FBXW10B: variants seen among roughly 807,000 people sequenced by gnomAD.
FBXW10B encodes the protein F-box and WD repeat domain containing 10B.
the FBXW10B span, among the ~76,000 whole-genome samples, chr17:15,585,913 T>C: frequency 6.6e-6 from 1 of 152,090 alleles, no homozygotes; most frequent in African/African-American, 2.4e-5. Flanking sequence ...TAAAGCCATA[T>C]TTCACCTCCT....
At chr17:15,578,018 A>G in the FBXW10B span, among the ~76,000 whole-genome samples, 1 of 148,460 alleles carries the variant, frequency 6.7e-6, no homozygotes, top group Non-Finnish European at 1.5e-5. Flanking sequence ...GAGTTTTTTG[A>G]TGTCTAAGCT....
At chr17:15,579,173 A>ATAAATAAAT in the FBXW10B span, among the ~76,000 whole-genome samples, 3 of 151,812 alleles carry the variant, frequency 2.0e-5, no homozygotes, top group African/African-American at 7.3e-5. Context: ...AAATAAATAA[A>ATAAATAAAT]AAGGTGTCTG....
At chr17:15,587,509 C>T in the FBXW10B span, among the ~76,000 whole-genome samples, 3 of 151,376 alleles carry the variant, frequency 2.0e-5, no homozygotes, top group Non-Finnish European at 1.5e-5. Flanking sequence ...AGAGTGGTGG[C>T]CAGAATTCTC....
the FBXW10B span, chr17:15,598,845 G>T: frequency 1.7e-6 from 2 of 1,184,902 alleles, no homozygotes; most frequent in South Asian, 3.4e-5. Context: ...TAATTTCTGT[G>T]TAAGTTTCCT....
At chr17:15,581,322 C>T in the FBXW10B span, among the ~76,000 whole-genome samples, 7 of 152,186 alleles carry the variant, frequency 4.6e-5, no homozygotes, top group African/African-American at 1.7e-4. Context: ...AAAATCCCAA[C>T]AGATGGAATA....
At chr17:15,615,899 C>T in the FBXW10B span, 242 of 1,555,238 alleles carry the variant, frequency 1.6e-4, 2 homozygotes, top group South Asian at 2.7e-3. Flanking sequence ...TTTTTTCTTC[C>T]TTCTTTTAAA....
chr17:15,572,473 C>A, the FBXW10B span: 25 of 152,354 alleles, frequency 1.6e-4, no homozygotes, highest in African/African-American at 6.0e-4. Flanking sequence ...CTGGATGTTA[C>A]ACTCTGTGCT....
At chr17:15,614,656 G>T in the FBXW10B span, among the ~76,000 whole-genome samples, 1 of 152,168 alleles carries the variant, frequency 6.6e-6, no homozygotes, top group African/African-American at 2.4e-5. Context: ...GGGGGAAAAT[G>T]AATGGAATAA....
At chr17:15,571,907 C>T in the FBXW10B span, 9 of 142,962 alleles carry the variant, frequency 6.3e-5, no homozygotes, top group East Asian at 1.6e-3. Context: ...ATTTATATGA[C>T]ATTTTGGAAA....
chr17:15,599,046 G>A, the FBXW10B span, among the ~76,000 whole-genome samples: 2 of 151,934 alleles, frequency 1.3e-5, no homozygotes, highest in Non-Finnish European at 2.9e-5. Flanking sequence ...ATGGTGGCGT[G>A]CACCTATAAT....
At chr17:15,581,396 CT>C in the FBXW10B span, among the ~76,000 whole-genome samples, 1 of 152,334 alleles carries the variant, frequency 6.6e-6, no homozygotes, top group South Asian at 2.1e-4. Context: ...ACTATCAAGA[CT>C]TTTACCACAC....
the FBXW10B span, among the ~76,000 whole-genome samples, chr17:15,567,081 C>T: frequency 1.3e-5 from 2 of 150,904 alleles, no homozygotes; most frequent in African/African-American, 2.4e-5. Flanking sequence ...ACCATCCTGG[C>T]TAACACGGTG....
the FBXW10B span, chr17:15,612,503 G>A: frequency 3.1e-6 from 1 of 321,580 alleles, no homozygotes; most frequent in Non-Finnish European, 4.5e-6. Flanking sequence ...GACATAGTGA[G>A]ACTCCATCTC....
chr17:15,599,756 AGCTAG>A, the FBXW10B span, among the ~76,000 whole-genome samples: 1 of 152,026 alleles, frequency 6.6e-6, no homozygotes, highest in Non-Finnish European at 1.5e-5. Flanking sequence ...CTTCCGCTTC[AGCTAG>A]GCTGCTTTTG....
chr17:15,614,068 T>C, the FBXW10B span: 1 of 1,596,950 alleles, frequency 6.3e-7, no homozygotes, highest in Non-Finnish European at 8.6e-7. Flanking sequence ...CGTGGTTGAG[T>C]TGGCTCTGTA....
the FBXW10B span, chr17:15,615,673 T>A: frequency 4.3e-6 from 7 of 1,613,748 alleles, no homozygotes; most frequent in Non-Finnish European, 5.9e-6. Context: ...CAAGGAAGTG[T>A]TCATTTTCTG....
At chr17:15,616,004 C>T in the FBXW10B span, among the ~76,000 whole-genome samples, 1 of 152,004 alleles carries the variant, frequency 6.6e-6, no homozygotes, top group African/African-American at 2.4e-5. Flanking sequence ...GTTAGCTTTT[C>T]AGCACGCCCC....
At chr17:15,584,329 A>C in the FBXW10B span, among the ~76,000 whole-genome samples, 5 of 152,354 alleles carry the variant, frequency 3.3e-5, no homozygotes, top group Middle Eastern at 3.4e-3. Flanking sequence ...TTATTAAGAT[A>C]TATTGAAATA....
At chr17:15,576,159 A>T in the FBXW10B span, among the ~76,000 whole-genome samples, 1 of 152,154 alleles carries the variant, frequency 6.6e-6, no homozygotes, top group Non-Finnish European at 1.5e-5. Flanking sequence ...CTTCAGACTT[A>T]TATTTTTAAG....
Sources: gnomAD v4.1 joint callset for allele counts (sites outside exome capture counted in the v4.1 genomes callset) on GRCh38, gnomAD v4.1.1 for gene constraint, MANE v1.5 for transcripts, NCBI Gene and HGNC (gene_info 2026-07-23, HGNC 2026-07-21) for gene names.